Variants in LRRC4C observed in about 807,000 individuals in gnomAD.
The protein encoded by LRRC4C is leucine-rich repeat-containing protein 4C.
A neutral mutation model predicts 33.6 loss-of-function variants in LRRC4C; 5 were observed. The observed-to-expected ratio is 0.15, with a 90% CI of 0.08 to 0.31. LRRC4C has a LOEUF of 0.31. Among genes scored for constraint, LRRC4C ranks in the 10% least tolerant of loss-of-function variants. The pLI is 1.00. For synonymous variants in LRRC4C, 329 were observed against 302.0 expected (o/e 1.09, Z -0.93); for missense variants, 560 against 796.7 (o/e 0.70, Z 3.58).
intron 1 of LRRC4C, among the ~76,000 whole-genome samples, chr11:41,331,358 A>G (rs1951286885): frequency 1.3e-5 from 2 of 152,232 alleles, no homozygotes; most frequent in Non-Finnish European, 2.9e-5. Flanking sequence ...TCTACTCAGA[A>G]GTTATTGATT....
At chr11:40,290,386 T>C (rs888957454) in intron 4 of LRRC4C, among the ~76,000 whole-genome samples, 1 of 152,228 alleles carries the variant, frequency 6.6e-6, no homozygotes, top group South Asian at 2.1e-4. Context: ...ATTATTTTCA[T>C]AGGTTGGTAA....
intron 3 of LRRC4C, among the ~76,000 whole-genome samples, chr11:40,508,121 C>A (rs972742651): frequency 6.6e-6 from 1 of 152,026 alleles, no homozygotes; most frequent in Non-Finnish European, 1.5e-5. Flanking sequence ...TGTACAATGA[C>A]AAATAACAAA....
chr11:40,885,019 C>T (rs1346421749), intron 2 of LRRC4C, among the ~76,000 whole-genome samples: 2 of 151,860 alleles, frequency 1.3e-5, no homozygotes, highest in Admixed American at 1.3e-4. Context: ...GAAAAATTAT[C>T]GACTGGGAAC....
At chr11:40,196,434 T>A (rs922206959) in intron 5 of LRRC4C, among the ~76,000 whole-genome samples, 2 of 152,182 alleles carry the variant, frequency 1.3e-5, no homozygotes, top group South Asian at 2.1e-4. Flanking sequence ...TATTGCAACA[T>A]GCAAGTCTGC....
intron 1 of LRRC4C, among the ~76,000 whole-genome samples, chr11:41,450,829 C>A (rs1590323842): frequency 6.6e-6 from 1 of 152,148 alleles, no homozygotes; most frequent in East Asian, 1.9e-4. Flanking sequence ...GTTATAATTT[C>A]TTCTAATTTC....
rs866031399 is a variant in LRRC4C at position 40,448,602 on chromosome 11, A to G, written c.-269-128881T>C. On this transcript the variant is annotated intron_variant, in intron 3 of 6. Coordinates refer to ENST00000528697, the MANE Select transcript of LRRC4C (RefSeq NM_001258419.2). ...AACTCATCCTTTTTTACAGCTGCAT[A>G]GTATTCCATGGTGTATATGTACCAC... Among the ~76,000 whole-genome samples the G allele has an allele frequency of 3.9e-5, 6 of 152,336 alleles. No individual in the cohort carries two copies. In the Middle Eastern group the frequency reaches 0.01, roughly 259 times the overall value.
At chr11:41,280,933 C>T (rs1261682800) in intron 1 of LRRC4C, among the ~76,000 whole-genome samples, 2 of 152,068 alleles carry the variant, frequency 1.3e-5, no homozygotes, top group African/African-American at 2.4e-5. Context: ...GTCTGAGGTA[C>T]ACTCTCGTCA....
intron 5 of LRRC4C, among the ~76,000 whole-genome samples, chr11:40,234,475 T>C (rs1447242771): frequency 6.6e-6 from 1 of 152,062 alleles, no homozygotes; most frequent in African/African-American, 2.4e-5. Flanking sequence ...CTACTGACTA[T>C]TTGGAATGGA....
At chr11:40,862,743 C>T (rs911406774) in intron 2 of LRRC4C, among the ~76,000 whole-genome samples, 2 of 152,126 alleles carry the variant, frequency 1.3e-5, no homozygotes, top group Non-Finnish European at 2.9e-5. Context: ...GTCACCTAGA[C>T]CCACAATTTT....
intron 3 of LRRC4C, among the ~76,000 whole-genome samples, chr11:40,395,530 T>A (rs939089039): frequency 3.2e-4 from 49 of 152,156 alleles, no homozygotes; most frequent in African/African-American, 1.2e-3. Flanking sequence ...AGCAATGGAT[T>A]AGATATCAAA....
At chr11:40,896,695 A>G (rs976185738) in intron 2 of LRRC4C, among the ~76,000 whole-genome samples, 2 of 152,004 alleles carry the variant, frequency 1.3e-5, no homozygotes, top group African/African-American at 4.8e-5. Flanking sequence ...ATATATGTAT[A>G]TATTAATACA....
At chr11:40,968,691 A>G (rs1449715097) in intron 1 of LRRC4C, among the ~76,000 whole-genome samples, 1 of 152,144 alleles carries the variant, frequency 6.6e-6, no homozygotes, top group Non-Finnish European at 1.5e-5. Context: ...CAAAGCTTGG[A>G]TGAGAGTACA....
At chr11:41,268,287 G>A (rs1949215147) in intron 1 of LRRC4C, among the ~76,000 whole-genome samples, 3 of 152,008 alleles carry the variant, frequency 2.0e-5, no homozygotes, top group Admixed American at 2.0e-4. Flanking sequence ...TCATTCCCTA[G>A]TTGAACCTTA....
intron 2 of LRRC4C, among the ~76,000 whole-genome samples, chr11:40,738,872 T>C (rs897912660): frequency 6.6e-6 from 1 of 152,124 alleles, no homozygotes; most frequent in African/African-American, 2.4e-5. Context: ...GGACTCTTTT[T>C]TCTTCAGCTT....
chr11:41,360,180 C>A (rs558806615), intron 1 of LRRC4C, among the ~76,000 whole-genome samples: 3 of 152,158 alleles, frequency 2.0e-5, no homozygotes, highest in African/African-American at 7.2e-5. Flanking sequence ...GGGACCCTGT[C>A]TCAAAACAAA....
intron 3 of LRRC4C, among the ~76,000 whole-genome samples, chr11:40,566,237 C>T (rs2135537666): frequency 6.6e-6 from 1 of 151,630 alleles, no homozygotes; most frequent in South Asian, 2.1e-4. Context: ...TGGATTTGCT[C>T]ATTATTTAAG....
At chr11:41,448,784 T>C (rs1955924432) in intron 1 of LRRC4C, among the ~76,000 whole-genome samples, 1 of 152,210 alleles carries the variant, frequency 6.6e-6, no homozygotes, top group Non-Finnish European at 1.5e-5. Context: ...ATTTTGGCCA[T>C]TTATTTAACC....
chr11:40,982,702 A>C (rs1311806034), intron 1 of LRRC4C, among the ~76,000 whole-genome samples: 1 of 151,956 alleles, frequency 6.6e-6, no homozygotes, highest in Non-Finnish European at 1.5e-5. Context: ...CATTTGCAAG[A>C]TGTGCAGGTT....
At chr11:40,213,316 G>A (rs1281814828) in intron 5 of LRRC4C, among the ~76,000 whole-genome samples, 1 of 152,118 alleles carries the variant, frequency 6.6e-6, no homozygotes, top group Non-Finnish European at 1.5e-5. Flanking sequence ...AAAAGGAATG[G>A]TATTTGGCTA....
Sources: gnomAD v4.1 joint callset for allele counts (sites outside exome capture counted in the v4.1 genomes callset) on GRCh38, gnomAD v4.1.1 for gene constraint, MANE v1.5 for transcripts, NCBI Gene and HGNC (gene_info 2026-07-23, HGNC 2026-07-21) for gene names.